Variants in TMEM230 observed in about 807,000 individuals in gnomAD.
TMEM230 encodes the protein transmembrane protein 230, also known as UPF0414 transmembrane protein C20orf30.
TMEM230 carries 10 observed loss-of-function variants against 15.8 expected under a neutral mutation model. That is an observed-to-expected ratio of 0.63 (90% confidence interval 0.39 to 1.07). The LOEUF (loss-of-function observed/expected upper bound fraction) is 1.07, where lower values mean the gene tolerates loss of function less well. Ranked by LOEUF, TMEM230 falls within the 50% of genes least tolerant of loss-of-function variation. TMEM230 has a pLI of 0.01. For missense variants in TMEM230, 165 were observed against 193.3 expected, an observed-to-expected ratio of 0.85 and a Z score of 0.87; for synonymous variants, 67 against 76.9, an observed-to-expected ratio of 0.87 and a Z score of 0.68.
chr20:5,102,892 C>G (rs1048347894), intron 4 of TMEM230, among the ~76,000 whole-genome samples: 5 of 152,122 alleles, frequency 3.3e-5, no homozygotes, highest in African/African-American at 1.2e-4. Context: ...ATAATACTAG[C>G]AAACTGAATT....
chr20:5,080,565 TTC>T (rs1282026016), intron 3 of TMEM230, among the ~76,000 whole-genome samples: 8 of 152,032 alleles, frequency 5.3e-5, no homozygotes, highest in Admixed American at 3.3e-4. Context: ...TCTAAAGTCT[TTC>T]TGTCTTTTTT....
At position 5,100,560 on chromosome 20, in the gene TMEM230, A is replaced by C; in HGVS notation, c.*231T>G. 4 of 1,328,638 alleles carry C rather than the reference A, an allele frequency of 3.0e-6. No individual in the cohort carries two copies. Among genetic ancestry groups the C allele is most frequent in the Non-Finnish European group, 2.9e-6 (3 of 1,038,298 alleles). 82.3% of individuals were successfully genotyped at this position (1,328,638 alleles called of 1,614,324 possible). A position where few individuals can be genotyped will look rare whatever the true frequency, so the allele number is the denominator to read the frequency against. ...AATAACCTCTATTCTTCCATGATAC[A>C]TATTCCTGTGGAAAAACTTGTCAGG... On this transcript the variant is annotated 3_prime_UTR_variant, in exon 5 of 5. Coordinates refer to ENST00000342308, the MANE Select transcript of TMEM230 (RefSeq NM_001009923.2).
chr20:5,108,052 G>A (rs965232348), intron 3 of TMEM230, among the ~76,000 whole-genome samples: 5 of 151,732 alleles, frequency 3.3e-5, no homozygotes, highest in Admixed American at 6.6e-5. Flanking sequence ...GGGGGAGGTT[G>A]CAGTGAGCCA....
downstream of TMEM230, among the ~76,000 whole-genome samples, chr20:5,095,525 G>A (rs768361240): frequency 3.3e-5 from 5 of 152,146 alleles, no homozygotes; most frequent in Admixed American, 6.6e-5. Flanking sequence ...TGCAGACTTT[G>A]GGAGTTACTG....
intron 3 of TMEM230, among the ~76,000 whole-genome samples, chr20:5,094,234 G>A (rs558594857): frequency 1.3e-4 from 20 of 151,104 alleles, no homozygotes; most frequent in Admixed American, 1.3e-3. Flanking sequence ...TGGGATTACA[G>A]GCGTGAGCCA....
At chr20:5,064,679 A>G (rs1296538166), downstream of TMEM230, among the ~76,000 whole-genome samples, 1 of 152,214 alleles carries the variant, frequency 6.6e-6, no homozygotes, top group Non-Finnish European at 1.5e-5. Context: ...AAAAATTACT[A>G]AAGATGAAAA....
rs141468437 is a variant in TMEM230, at chr20:5,103,630, CAA to C, written c.411+2556_411+2557del. ...TGGATGACACAGTGAGATTCTGTCTCAAAAAAAAAAAAACAAACAAAAAAACC... is the reference window on the plus strand; with the variant it reads ...TGGATGACACAGTGAGATTCTGTCTCAAAAAAAAAAACAAACAAAAAAACC... On this transcript the variant is annotated intron_variant, in intron 4 of 4. Coordinates refer to ENST00000342308, the MANE Select transcript of TMEM230 (RefSeq NM_001009923.2). Among the ~76,000 whole-genome samples the C allele has an allele frequency of 3.9e-3, 475 of 122,236 alleles. 3 individuals are homozygous for C. Among genetic ancestry groups the C allele is most frequent in the African/African-American group, 0.012 (453 of 36,884 alleles). The allele number at this position is 122,236 out of a possible 152,430, so 80.2% of individuals were successfully genotyped here. A position where few individuals can be genotyped will look rare whatever the true frequency, so the allele number is the denominator to read the frequency against.
chr20:5,062,373 T>TAA, the TMEM230 span, among the ~76,000 whole-genome samples: 62 of 137,532 alleles, frequency 4.5e-4, no homozygotes, highest in East Asian at 6.3e-4. Context: ...CTGTCTCAAT[T>TAA]AAAAAAAAAA....
chr20:5,063,829 G>C (rs2088628537), downstream of TMEM230, among the ~76,000 whole-genome samples: 1 of 121,180 alleles, frequency 8.3e-6, no homozygotes, highest in Non-Finnish European at 1.7e-5. Context: ...ATTTCTAAAT[G>C]ATTCTTGGTT....
At chr20:5,074,381 C>T (rs1361861220) in intron 3 of TMEM230, among the ~76,000 whole-genome samples, 3 of 152,060 alleles carry the variant, frequency 2.0e-5, no homozygotes, top group Non-Finnish European at 2.9e-5. Context: ...ACTAGATACC[C>T]CTTATCTAAC....
At chr20:5,073,907 C>G (rs443352) in intron 3 of TMEM230, among the ~76,000 whole-genome samples, 106,435 of 152,086 alleles carry the variant, frequency 0.7, 37,843 homozygotes, top group East Asian at 0.84. Flanking sequence ...TCTGCAAGCT[C>G]TACAGGAAGC....
At chr20:5,067,499 A>C (rs935178153), downstream of TMEM230, 1 of 144,294 alleles carries the variant, frequency 6.9e-6, no homozygotes, top group East Asian at 2.0e-4. Flanking sequence ...GCTGGAGTGC[A>C]ATGGTGCCAT....
intron 3 of TMEM230, among the ~76,000 whole-genome samples, chr20:5,090,182 G>A (rs1381615786): frequency 6.6e-6 from 1 of 152,192 alleles, no homozygotes; most frequent in African/African-American, 2.4e-5. Context: ...ACCAAGGTAT[G>A]AGTGAAATAA....
downstream of TMEM230, among the ~76,000 whole-genome samples, chr20:5,098,810 G>T (rs118187162): frequency 3.4e-3 from 515 of 152,024 alleles, 2 homozygotes; most frequent in Middle Eastern, 0.017. Flanking sequence ...AATTGGGGGG[G>T]GGAAATTATA....
At chr20:5,078,133 C>T (rs978071999) in intron 3 of TMEM230, among the ~76,000 whole-genome samples, 4 of 152,198 alleles carry the variant, frequency 2.6e-5, no homozygotes, top group Non-Finnish European at 5.9e-5. Flanking sequence ...CAATTAGACA[C>T]AGCCAAAGAT....
chr20:5,102,410 G>A (rs1462578669), intron 4 of TMEM230, among the ~76,000 whole-genome samples: 1 of 152,172 alleles, frequency 6.6e-6, no homozygotes, highest in South Asian at 2.1e-4. Context: ...TTAATACTTG[G>A]CTGGGCATGG....
At chr20:5,102,296 G>A (rs1337831946) in intron 4 of TMEM230, among the ~76,000 whole-genome samples, 4 of 152,132 alleles carry the variant, frequency 2.6e-5, no homozygotes, top group Admixed American at 2.6e-4. Context: ...TCTAAAACCT[G>A]AATAGACAAA....
intron 3 of TMEM230, among the ~76,000 whole-genome samples, chr20:5,081,784 G>A (rs543559040): frequency 2.0e-5 from 3 of 152,134 alleles, no homozygotes; most frequent in Non-Finnish European, 4.4e-5. Context: ...TGTCAGAAAG[G>A]GGAACACTCT....
At chr20:5,112,813 G>T in intron 1 of TMEM230, 148 bp downstream of exon 1, 1 of 1,512,562 alleles carries the variant, frequency 6.6e-7, no homozygotes, top group Non-Finnish European at 8.8e-7. Flanking sequence ...AACAAAACGG[G>T]CTTCTGGAAA....
Sources: allele counts gnomAD v4.1 joint callset (sites outside exome capture counted in the v4.1 genomes callset), GRCh38; gene constraint gnomAD v4.1.1; transcripts MANE v1.5; gene names NCBI Gene and HGNC (gene_info 2026-07-23, HGNC 2026-07-21).